Variants in DOCK4 observed in about 807,000 individuals in gnomAD.
The protein encoded by DOCK4 is dedicator of cytokinesis protein 4.
Under a neutral mutation model 268.1 loss-of-function variants are expected in DOCK4, and 97 were observed. That is an observed-to-expected ratio of 0.36 (90% CI 0.31 to 0.43). The LOEUF (loss-of-function observed/expected upper bound fraction) is 0.43. Among genes scored for constraint, DOCK4 ranks in the 20% least tolerant of loss-of-function variants. DOCK4 has a pLI of 1.00. For missense variants in DOCK4, 2,145 were observed against 2,455.7 expected (o/e 0.87, Z 2.67); for synonymous variants, 954 against 887.2 (o/e 1.08, Z -1.34).
At chr7:111,735,656 C>A (rs1056983000) in intron 50 of DOCK4, among the ~76,000 whole-genome samples, 35 of 152,196 alleles carry the variant, frequency 2.3e-4, no homozygotes, top group African/African-American at 8.4e-4. Flanking sequence ...ATGAATTACA[C>A]TGAAATATGT....
At chr7:112,094,922 T>C (rs1166687052) in intron 1 of DOCK4, among the ~76,000 whole-genome samples, 1 of 152,124 alleles carries the variant, frequency 6.6e-6, no homozygotes, top group Non-Finnish European at 1.5e-5. Flanking sequence ...GGAAGCTCCA[T>C]GAGGCCTCCC....
intron 27 of DOCK4, 39 bp from the exon 28 acceptor site, chr7:111,811,988 T>A (rs1168574112): frequency 8.6e-7 from 1 of 1,165,098 alleles, no homozygotes. Flanking sequence ...AACTTCATAT[T>A]AGTGAAAATC....
chr7:111,880,848 C>T (rs1366449541), intron 16 of DOCK4, among the ~76,000 whole-genome samples: 1 of 150,744 alleles, frequency 6.6e-6, no homozygotes, highest in African/African-American at 2.5e-5. Flanking sequence ...ATAAACGGTG[C>T]TGGGAAAACT....
intron 1 of DOCK4, among the ~76,000 whole-genome samples, chr7:112,196,696 CTCTCT>C (rs1348357669): frequency 6.6e-6 from 1 of 152,044 alleles, no homozygotes; most frequent in Non-Finnish European, 1.5e-5. Flanking sequence ...TCATTGAGGC[CTCTCT>C]GTTTAATAAG....
At chr7:112,063,156 A>G (rs977174673) in intron 1 of DOCK4, among the ~76,000 whole-genome samples, 1 of 152,186 alleles carries the variant, frequency 6.6e-6, no homozygotes, top group Non-Finnish European at 1.5e-5. Context: ...GGCATCTCCA[A>G]TATCTTGCTT....
chr7:111,912,099 C>T (rs1294288481), intron 13 of DOCK4, among the ~76,000 whole-genome samples: 4 of 152,102 alleles, frequency 2.6e-5, no homozygotes, highest in East Asian at 1.9e-4. Flanking sequence ...GAATTTCAGT[C>T]GGGCAATTAC....
chr7:111,941,480 G>A (rs981835138), intron 10 of DOCK4, among the ~76,000 whole-genome samples: 3 of 152,082 alleles, frequency 2.0e-5, no homozygotes, highest in African/African-American at 4.8e-5. Flanking sequence ...ATTACAGAAT[G>A]TATTAGGATG....
chr7:112,033,318 A>G (rs1229673264), intron 1 of DOCK4, among the ~76,000 whole-genome samples: 1 of 152,136 alleles, frequency 6.6e-6, no homozygotes, highest in Non-Finnish European at 1.5e-5. Flanking sequence ...AAGGTGAAAA[A>G]GCACAAAACT....
chr7:112,191,281 C>G (rs1819930006), intron 1 of DOCK4, among the ~76,000 whole-genome samples: 2 of 152,170 alleles, frequency 1.3e-5, no homozygotes, highest in African/African-American at 4.8e-5. Context: ...CAGGGTTCCT[C>G]CCTGCTTCTG....
At chr7:111,911,168 T>A (rs1024752067) in intron 13 of DOCK4, among the ~76,000 whole-genome samples, 2 of 152,082 alleles carry the variant, frequency 1.3e-5, no homozygotes, top group Non-Finnish European at 2.9e-5. Context: ...AAGATGCAAA[T>A]TAACTCTGAA....
intron 13 of DOCK4, among the ~76,000 whole-genome samples, chr7:111,913,193 G>C (rs1792276799): frequency 6.6e-6 from 1 of 151,630 alleles, no homozygotes; most frequent in African/African-American, 2.4e-5. Context: ...TTGAACTCCT[G>C]ACCTCAGGTG....
intron 1 of DOCK4, among the ~76,000 whole-genome samples, chr7:112,153,082 T>C (rs1036409338): frequency 8.5e-5 from 13 of 152,192 alleles, no homozygotes; most frequent in Non-Finnish European, 1.8e-4. Context: ...CATAGTCTTA[T>C]ATCTCAATAT....
intron 19 of DOCK4, 85 bp from the exon 20 acceptor site, chr7:111,872,175 T>C: frequency 7.3e-7 from 1 of 1,375,004 alleles, no homozygotes; most frequent in Non-Finnish European, 9.9e-7. Flanking sequence ...AATGAACTCT[T>C]ACATTATTAA....
intron 42 of DOCK4, among the ~76,000 whole-genome samples, chr7:111,749,085 T>C (rs887253499): frequency 2.6e-5 from 4 of 152,120 alleles, no homozygotes; most frequent in African/African-American, 9.7e-5. Context: ...GTCAGGATAG[T>C]GACTACTTTT....
intron 1 of DOCK4, among the ~76,000 whole-genome samples, chr7:112,078,546 A>G (rs7777664): frequency 0.034 from 5,122 of 152,300 alleles, 288 homozygotes; most frequent in African/African-American, 0.12. Context: ...TCACTGTGGA[A>G]TATCAAAGGA....
At chr7:111,917,140 A>G (rs1792675516) in intron 12 of DOCK4, among the ~76,000 whole-genome samples, 1 of 151,828 alleles carries the variant, frequency 6.6e-6, no homozygotes, top group Non-Finnish European at 1.5e-5. Context: ...GGCGTCCGCC[A>G]TCACACCCAG....
At chr7:112,006,154 T>C (rs549352717) in intron 1 of DOCK4, among the ~76,000 whole-genome samples, 2 of 152,244 alleles carry the variant, frequency 1.3e-5, no homozygotes. Context: ...TGAACCCCAA[T>C]CTCATCACTT....
At chr7:112,124,249 G>C (rs1020349983) in intron 1 of DOCK4, among the ~76,000 whole-genome samples, 44 of 152,152 alleles carry the variant, frequency 2.9e-4, no homozygotes, top group African/African-American at 1.0e-3. Flanking sequence ...CTGAGTTCCT[G>C]GTCTCAAGCG....
At chr7:111,791,247 A>T (rs554372880) in intron 30 of DOCK4, among the ~76,000 whole-genome samples, 1 of 141,950 alleles carries the variant, frequency 7.0e-6, no homozygotes, top group Admixed American at 6.9e-5. Context: ...GCAATACAGT[A>T]TGTATAGGAA....
Sources: gnomAD v4.1 joint callset for allele counts (sites outside exome capture counted in the v4.1 genomes callset) on GRCh38, gnomAD v4.1.1 for gene constraint, MANE v1.5 for transcripts, NCBI Gene and HGNC (gene_info 2026-07-23, HGNC 2026-07-21) for gene names.